IGF2BP3: variants seen among roughly 807,000 people sequenced by gnomAD.
IGF2BP3 encodes the protein insulin like growth factor 2 mRNA binding protein 3, also known as insulin-like growth factor 2 mRNA-binding protein 3.
Under a neutral mutation model 73.8 loss-of-function variants are expected in IGF2BP3, and 9 were observed. That is an observed-to-expected ratio of 0.12 (90% confidence interval 0.07 to 0.21). The LOEUF (loss-of-function observed/expected upper bound fraction) is 0.21. Among genes scored for constraint, IGF2BP3 ranks in the 10% least tolerant of loss-of-function variants. The pLI is 1.00. For synonymous variants in IGF2BP3, 258 were observed against 256.7 expected (o/e 1.01, Z -0.05); for missense variants, 542 against 714.0 (o/e 0.76, Z 2.75).
At chr7:23,468,253 A>T (rs1788615446) in intron 2 of IGF2BP3, among the ~76,000 whole-genome samples, 1 of 152,184 alleles carries the variant, frequency 6.6e-6, no homozygotes, top group Admixed American at 6.5e-5. Flanking sequence ...GAGATTTTGT[A>T]ACCAATAACC....
intron 2 of IGF2BP3, among the ~76,000 whole-genome samples, chr7:23,440,915 C>G (rs779558151): frequency 1.3e-5 from 2 of 152,168 alleles, no homozygotes; most frequent in Non-Finnish European, 2.9e-5. Flanking sequence ...TTCTGAATCC[C>G]TTCTCTATAG....
intron 3 of IGF2BP3, among the ~76,000 whole-genome samples, chr7:23,379,833 T>C (rs538205216): frequency 6.6e-4 from 100 of 152,316 alleles, no homozygotes; most frequent in African/African-American, 2.4e-3. Context: ...TATGCTCTTA[T>C]AGCTTATATT....
chr7:23,445,849 A>C (rs1449771618), intron 2 of IGF2BP3, among the ~76,000 whole-genome samples: 1 of 152,226 alleles, frequency 6.6e-6, no homozygotes, highest in African/African-American at 2.4e-5. Context: ...GCAATGCATC[A>C]TGTATATGAA....
At chr7:23,410,852 G>T (rs78264172) in intron 3 of IGF2BP3, among the ~76,000 whole-genome samples, 4,186 of 152,176 alleles carry the variant, frequency 0.028, 201 homozygotes, top group African/African-American at 0.095. Context: ...TGATTAAGAG[G>T]AGACACTAAC....
At chr7:23,423,167 C>T (rs1003383514) in intron 2 of IGF2BP3, among the ~76,000 whole-genome samples, 2 of 152,190 alleles carry the variant, frequency 1.3e-5, no homozygotes, top group Non-Finnish European at 2.9e-5. Flanking sequence ...GCTCCTAACC[C>T]CGTGCTCTGC....
chr7:23,354,199 G>A (rs1785035107), intron 5 of IGF2BP3, among the ~76,000 whole-genome samples: 1 of 152,134 alleles, frequency 6.6e-6, no homozygotes, highest in African/African-American at 2.4e-5. Context: ...TGCTATGTTG[G>A]CCAGGCTGGT....
At chr7:23,325,361 A>G (rs1463740185) in intron 10 of IGF2BP3, among the ~76,000 whole-genome samples, 1 of 152,214 alleles carries the variant, frequency 6.6e-6, no homozygotes, top group African/African-American at 2.4e-5. Flanking sequence ...AATCCAACTT[A>G]CAAGGGATGT....
At chr7:23,453,355 G>C (rs977069925) in intron 2 of IGF2BP3, among the ~76,000 whole-genome samples, 1 of 152,140 alleles carries the variant, frequency 6.6e-6, no homozygotes, top group Admixed American at 6.5e-5. Context: ...AGTAAAATTA[G>C]AGCTAGAGAT....
At position 23,460,178 on chromosome 7, in the gene IGF2BP3, C is replaced by CAAAAAAAAAA. The variant is rs757381858; in HGVS notation, c.236+8294_236+8303dup. On this transcript the variant is annotated intron_variant, in intron 2 of 14. Transcript: ENST00000258729. The stretch of plus-strand genomic sequence containing the variant: ...TGGGCAACCGTGCGAGACCCTGCCT[C>CAAAAAAAAAA]AAAAAAAAAAAAAAAAAACAAAAAC... Among the ~76,000 whole-genome samples the CAAAAAAAAAA allele has an allele frequency of 8.3e-4, 46 of 55,166 alleles. 3 individuals carry two copies. Among genetic ancestry groups the CAAAAAAAAAA allele is most frequent in the African/African-American group, 1.8e-3 (24 of 13,594 alleles). The allele number at this position is 55,166 out of a possible 152,430, so 36.2% of individuals were successfully genotyped here.
At chr7:23,392,251 G>A (rs542876690) in intron 3 of IGF2BP3, among the ~76,000 whole-genome samples, 1 of 152,156 alleles carries the variant, frequency 6.6e-6, no homozygotes, top group Admixed American at 6.5e-5. Flanking sequence ...TAACCCTAAT[G>A]AACCAAGACT....
At chr7:23,433,270 T>C (rs1562751186) in intron 2 of IGF2BP3, among the ~76,000 whole-genome samples, 1 of 152,158 alleles carries the variant, frequency 6.6e-6, no homozygotes, top group Admixed American at 6.5e-5. Context: ...TAAACAGTGA[T>C]TTTTAGAAAC....
intron 10 of IGF2BP3, among the ~76,000 whole-genome samples, chr7:23,325,732 T>C (rs887505609): frequency 1.2e-4 from 18 of 152,044 alleles, no homozygotes; most frequent in Admixed American, 3.9e-4. Context: ...GAGATATAGA[T>C]CAATGGAACA....
chr7:23,420,397 G>C (rs1360407352), intron 2 of IGF2BP3, among the ~76,000 whole-genome samples: 1 of 152,132 alleles, frequency 6.6e-6, no homozygotes, highest in Non-Finnish European at 1.5e-5. Flanking sequence ...AGGATTGCTT[G>C]AGACCAGGAG....
chr7:23,366,988 C>CTTTTTTTTT (rs397942338), intron 3 of IGF2BP3, among the ~76,000 whole-genome samples: 2 of 116,184 alleles, frequency 1.7e-5, no homozygotes, highest in Non-Finnish European at 1.8e-5. Flanking sequence ...TCACATTTTG[C>CTTTTTTTTT]TTTTTTTTTT....
intron 2 of IGF2BP3, among the ~76,000 whole-genome samples, chr7:23,430,541 A>T (rs1036880186): frequency 6.6e-6 from 1 of 152,210 alleles, no homozygotes; most frequent in Non-Finnish European, 1.5e-5. Flanking sequence ...TGCCGAACTA[A>T]ACCTATGTCC....
At chr7:23,461,368 T>C (rs1242100098) in intron 2 of IGF2BP3, among the ~76,000 whole-genome samples, 1 of 152,044 alleles carries the variant, frequency 6.6e-6, no homozygotes, top group African/African-American at 2.4e-5. Context: ...CTATGTCCCA[T>C]CTCCCCCTGA....
At chr7:23,440,266 T>C (rs1317693532) in intron 2 of IGF2BP3, among the ~76,000 whole-genome samples, 3 of 131,010 alleles carry the variant, frequency 2.3e-5, no homozygotes, top group African/African-American at 8.7e-5. Flanking sequence ...TGTTTAGTTA[T>C]TTCAAAAAAA....
intron 3 of IGF2BP3, among the ~76,000 whole-genome samples, chr7:23,383,953 G>C (rs274026): frequency 0.073 from 11,089 of 151,790 alleles, 571 homozygotes; most frequent in East Asian, 0.13. Context: ...AAACTTAGTC[G>C]GGCGTGGTGG....
intron 4 of IGF2BP3, 24 bp from the exon 5 acceptor site, chr7:23,361,621 G>C (rs372353594): frequency 6.2e-7 from 1 of 1,613,010 alleles, no homozygotes; most frequent in Non-Finnish European, 8.5e-7. Flanking sequence ...AAAACGAAGA[G>C]AATAAAAGTT....
Sources: gnomAD v4.1 joint callset for allele counts (sites outside exome capture counted in the v4.1 genomes callset) on GRCh38, gnomAD v4.1.1 for gene constraint, MANE v1.5 for transcripts, NCBI Gene and HGNC (gene_info 2026-07-23, HGNC 2026-07-21) for gene names.